Variants in SGCD observed in about 807,000 individuals in gnomAD.
SGCD encodes sarcoglycan delta.
In SGCD, 18 loss-of-function variants were observed where a neutral mutation model predicts 36.6. The ratio of observed to expected loss-of-function variants is 0.49; its 90% CI spans 0.34 to 0.73. The LOEUF (loss-of-function observed/expected upper bound fraction) is 0.73. Among genes scored for constraint, SGCD ranks in the 30% least tolerant of loss-of-function variants. The probability of loss-of-function intolerance (pLI) is 0.01; values close to 1 mark genes in which losing one functional copy is unlikely to be tolerated. For missense variants in SGCD, 387 were observed against 346.7 expected (o/e 1.12, Z -0.92); for synonymous variants, 133 against 130.6 (o/e 1.02, Z -0.12).
chr5:156,208,233 A>G (rs1221268380), intron 3 of SGCD, among the ~76,000 whole-genome samples: 1 of 152,234 alleles, frequency 6.6e-6, no homozygotes, highest in African/African-American at 2.4e-5. Flanking sequence ...ATTAAAGCCC[A>G]GTTTTGCCTG....
chr5:156,372,723 C>T (rs536569688), intron 3 of SGCD, among the ~76,000 whole-genome samples: 46 of 152,288 alleles, frequency 3.0e-4, no homozygotes, highest in African/African-American at 8.4e-4. Flanking sequence ...AGCTTTGCCT[C>T]CTACAAATTA....
At chr5:155,966,397 G>A (rs985163224) in intron 1 of SGCD, among the ~76,000 whole-genome samples, 1 of 152,060 alleles carries the variant, frequency 6.6e-6, no homozygotes. Context: ...TATAAAATGA[G>A]GGCAATACCC....
At position 156,646,291 on chromosome 5, in the gene SGCD, A is replaced by G. The variant is rs141115075; in HGVS notation, c.503-1173A>G. The stretch of plus-strand genomic sequence containing the variant: ...TTGCCACCGCTGCCTGTCAGAACCT[A>G]TCTCCCTAGATTTTGCTGGCTTGCC... On this transcript the variant is annotated intron_variant, in intron 6 of 8. Coordinates refer to ENST00000337851, the MANE Select transcript of SGCD (RefSeq NM_000337.6). Among the ~76,000 whole-genome samples the G allele has an allele frequency of 3.8e-3, 572 of 152,282 alleles. 4 individuals are homozygous for G. Among genetic ancestry groups the G allele is most frequent in the African/African-American group, 0.011 (478 of 41,572 alleles).
intron 7 of SGCD, among the ~76,000 whole-genome samples, chr5:156,746,215 T>C (rs1484735613): frequency 6.6e-6 from 1 of 151,780 alleles, no homozygotes; most frequent in Non-Finnish European, 1.5e-5. Flanking sequence ...AGAAGCAGAA[T>C]GTGAAAGAAT....
At chr5:156,242,444 G>A (rs759826282) in intron 3 of SGCD, among the ~76,000 whole-genome samples, 21 of 152,080 alleles carry the variant, frequency 1.4e-4, no homozygotes, top group Admixed American at 3.9e-4. Context: ...CTCTACATAC[G>A]ATAAAATTTC....
rs12109886 is a variant in SGCD at position 156,632,618 on chromosome 5, T to C, written c.503-14846T>C. Reference sequence around the variant, plus strand: ...AGAGTTTGATGCCTGTTATGAAGCATTGGAGAGAAAGGGAAATGGGAACTC... The same window carrying C: ...AGAGTTTGATGCCTGTTATGAAGCACTGGAGAGAAAGGGAAATGGGAACTC... On this transcript the variant is annotated intron_variant, in intron 6 of 8. Coordinates refer to ENST00000337851, the MANE Select transcript of SGCD (RefSeq NM_000337.6). Among the ~76,000 whole-genome samples, 775 of 152,244 alleles carry C rather than the reference T, an allele frequency of 5.1e-3. 5 individuals carry two copies. Among genetic ancestry groups the C allele is most frequent in the African/African-American group, 0.017 (725 of 41,540 alleles).
At chr5:156,470,947 A>T (rs373463159) in intron 3 of SGCD, among the ~76,000 whole-genome samples, 24 of 152,302 alleles carry the variant, frequency 1.6e-4, no homozygotes, top group African/African-American at 5.8e-4. Context: ...AGGGAGCTCA[A>T]TCAAAATCCC....
chr5:156,370,736 T>G (rs573926724), intron 3 of SGCD, among the ~76,000 whole-genome samples: 1 of 152,294 alleles, frequency 6.6e-6, no homozygotes, highest in Non-Finnish European at 1.5e-5. Flanking sequence ...ACAGTTTTTT[T>G]ACGGAGTTGA....
chr5:156,310,175 T>C (rs1219518995), intron 3 of SGCD, among the ~76,000 whole-genome samples: 1 of 152,206 alleles, frequency 6.6e-6, no homozygotes, highest in African/African-American at 2.4e-5. Context: ...GCAGTTGCTT[T>C]TGAATTTGAA....
intron 6 of SGCD, among the ~76,000 whole-genome samples, chr5:156,625,633 T>A (rs1437838577): frequency 6.6e-6 from 1 of 152,200 alleles, no homozygotes; most frequent in Non-Finnish European, 1.5e-5. Flanking sequence ...CTGAATTCTA[T>A]CTGTAAATCT....
At chr5:156,296,566 T>C (rs1027636083) in intron 3 of SGCD, among the ~76,000 whole-genome samples, 1 of 152,194 alleles carries the variant, frequency 6.6e-6, no homozygotes, top group African/African-American at 2.4e-5. Flanking sequence ...TTTAAAAGCA[T>C]GTTGTCTAAT....
At chr5:155,854,107 T>G in the SGCD span, among the ~76,000 whole-genome samples, 1 of 152,172 alleles carries the variant, frequency 6.6e-6, no homozygotes, top group African/African-American at 2.4e-5. Flanking sequence ...TTAGAGACCC[T>G]AGAGGTTTAT....
upstream of SGCD, among the ~76,000 whole-genome samples, chr5:155,866,162 T>G (rs1755520854): frequency 6.6e-6 from 1 of 152,178 alleles, no homozygotes; most frequent in Non-Finnish European, 1.5e-5. Flanking sequence ...GGTCAGGATT[T>G]AATATGATTA....
chr5:156,236,660 G>A (rs1423676118), intron 3 of SGCD, among the ~76,000 whole-genome samples: 1 of 151,910 alleles, frequency 6.6e-6, no homozygotes, highest in East Asian at 1.9e-4. Flanking sequence ...GTGTTAGCCA[G>A]GATGGTCTCG....
At chr5:155,880,182 T>G (rs946904627) in intron 1 of SGCD, among the ~76,000 whole-genome samples, 1 of 152,126 alleles carries the variant, frequency 6.6e-6, no homozygotes, top group Non-Finnish European at 1.5e-5. Flanking sequence ...GTTTTGTACC[T>G]TTAAAGTGAG....
At chr5:156,573,840 C>T (rs780150007) in intron 4 of SGCD, among the ~76,000 whole-genome samples, 4 of 152,020 alleles carry the variant, frequency 2.6e-5, no homozygotes, top group African/African-American at 7.2e-5. Flanking sequence ...ACTATAAGCA[C>T]ATGTCACCAT....
At chr5:155,914,042 C>T (rs1756687816) in intron 1 of SGCD, among the ~76,000 whole-genome samples, 2 of 152,150 alleles carry the variant, frequency 1.3e-5, no homozygotes, top group South Asian at 2.1e-4. Flanking sequence ...ATCCAATGCC[C>T]TTATTTTATA....
At chr5:156,346,798 TA>T (rs1326156268) in intron 3 of SGCD, among the ~76,000 whole-genome samples, 2 of 151,920 alleles carry the variant, frequency 1.3e-5, no homozygotes, top group African/African-American at 2.4e-5. Flanking sequence ...TTATTTTTTT[TA>T]TTTTTTTATT....
At position 156,341,409 on chromosome 5, in the gene SGCD, A is replaced by G. The variant is rs1214377406; in HGVS notation, c.4-3080A>G. ...CTTACAATGATTACCCTATGAAAAA[A>G]AGTGAAAGCCATTTTTTAGATGTTG... On this transcript the variant is annotated intron_variant, in intron 2 of 8. Coordinates refer to ENST00000337851, the MANE Select transcript of SGCD (RefSeq NM_000337.6). Among the ~76,000 whole-genome samples the G allele has an allele frequency of 7.2e-5, 11 of 152,262 alleles. No homozygotes were observed. In the East Asian group the frequency reaches 2.1e-3, roughly 29 times the overall value.
Sources: gnomAD v4.1 joint callset for allele counts (sites outside exome capture counted in the v4.1 genomes callset) on GRCh38, gnomAD v4.1.1 for gene constraint, MANE v1.5 for transcripts, NCBI Gene and HGNC (gene_info 2026-07-23, HGNC 2026-07-21) for gene names.